IGF2BP2: variants seen among roughly 807,000 people sequenced by gnomAD.
IGF2BP2 encodes the protein insulin-like growth factor 2 mRNA-binding protein 2.
A neutral mutation model predicts 75.8 loss-of-function variants in IGF2BP2; 17 were observed. That is an observed-to-expected ratio of 0.22 (90% confidence interval 0.15 to 0.34). IGF2BP2 has a LOEUF of 0.34. Ranked by LOEUF, IGF2BP2 falls within the 10% of genes least tolerant of loss-of-function variation. IGF2BP2 has a pLI of 1.00. For missense variants in IGF2BP2, 516 were observed against 772.4 expected, an observed-to-expected ratio of 0.67 and a Z score of 3.93; for synonymous variants, 288 against 295.6, an observed-to-expected ratio of 0.97 and a Z score of 0.26.
At chr3:185,714,855 T>C (rs1725356781) in intron 2 of IGF2BP2, among the ~76,000 whole-genome samples, 1 of 152,210 alleles carries the variant, frequency 6.6e-6, no homozygotes, top group Admixed American at 6.5e-5. Flanking sequence ...TTCCTTGCTT[T>C]TTCTCAGTAT....
At chr3:185,741,161 C>T (rs545764191) in intron 2 of IGF2BP2, among the ~76,000 whole-genome samples, 1 of 152,340 alleles carries the variant, frequency 6.6e-6, no homozygotes, top group African/African-American at 2.4e-5. Context: ...GAATGAGCCA[C>T]TGTGCCCGGC....
At chr3:185,665,217 AGAG>A (rs1165939543) in intron 10 of IGF2BP2, among the ~76,000 whole-genome samples, 116 of 135,516 alleles carry the variant, frequency 8.6e-4, no homozygotes, top group South Asian at 5.9e-3. Flanking sequence ...AGGAGAAGGA[AGAG>A]GAGGAGGAGG....
chr3:185,762,590 G>A (rs938841477), intron 2 of IGF2BP2, among the ~76,000 whole-genome samples: 4 of 151,584 alleles, frequency 2.6e-5, no homozygotes, highest in African/African-American at 9.7e-5. Flanking sequence ...GAAATACCAT[G>A]TTTGAGAGAC....
At chr3:185,660,018 T>C (rs1211550454) in intron 10 of IGF2BP2, among the ~76,000 whole-genome samples, 1 of 152,188 alleles carries the variant, frequency 6.6e-6, no homozygotes, top group Non-Finnish European at 1.5e-5. Flanking sequence ...GGTCTTGAAC[T>C]CCTGACCTCA....
chr3:185,660,285 T>A (rs544542349), intron 10 of IGF2BP2, among the ~76,000 whole-genome samples: 11 of 152,126 alleles, frequency 7.2e-5, no homozygotes, highest in Non-Finnish European at 1.0e-4. Context: ...CCAACAGTGG[T>A]CAGACGTGGC....
intron 8 of IGF2BP2, 108 bp from the exon 9 acceptor site, chr3:185,675,539 T>G: frequency 1.5e-6 from 2 of 1,296,674 alleles, no homozygotes; most frequent in South Asian, 1.3e-5. Flanking sequence ...GAAGACTCAA[T>G]TCCCTCCCAA....
Position 185,672,568 on chromosome 3 carries a change from G to T in IGF2BP2, c.1173C>A (p.Pro391=). The part of the protein sequence containing the change: ...LSPPAGPRGA[P]PAAPYHPFTT... Reference sequence around the variant, plus strand: ...TGAAGGGGTGGTAGGGGGCAGCGGGGGGAGCTCCGCGGGGCCCTGCTGGTG... The same window carrying T: ...TGAAGGGGTGGTAGGGGGCAGCGGGTGGAGCTCCGCGGGGCCCTGCTGGTG... The change falls in exon 10 of 16, where the codon CCC becomes CCA. Residue 391 remains proline (P), a synonymous_variant. Transcript: ENST00000382199. The T allele has an allele frequency of 6.2e-7, 1 of 1,613,406 alleles. No homozygotes were observed. Among genetic ancestry groups the T allele is most frequent in the Non-Finnish European group, 8.5e-7 (1 of 1,179,686 alleles).
chr3:185,744,894 A>T (rs983270588), intron 2 of IGF2BP2, among the ~76,000 whole-genome samples: 3 of 152,258 alleles, frequency 2.0e-5, no homozygotes, highest in Admixed American at 1.3e-4. Context: ...CGGCATTAAA[A>T]ATTCAACACT....
chr3:185,757,898 C>A (rs1731853570), intron 2 of IGF2BP2, among the ~76,000 whole-genome samples: 1 of 151,994 alleles, frequency 6.6e-6, no homozygotes, highest in Admixed American at 6.5e-5. Context: ...CACACACATA[C>A]CTCTGACCTG....
intron 10 of IGF2BP2, among the ~76,000 whole-genome samples, chr3:185,659,436 C>T (rs1346129405): frequency 1.3e-5 from 2 of 152,186 alleles, no homozygotes; most frequent in Admixed American, 1.3e-4. Flanking sequence ...TGAAGTGGCG[C>T]GATCTCGGCT....
chr3:185,797,795 C>T (rs778513417), intron 2 of IGF2BP2, among the ~76,000 whole-genome samples: 1 of 149,398 alleles, frequency 6.7e-6, no homozygotes, highest in South Asian at 2.1e-4. Flanking sequence ...GTCCTAGCTA[C>T]TGAGGAGGCT....
intron 10 of IGF2BP2, among the ~76,000 whole-genome samples, chr3:185,667,770 G>C (rs80257939): frequency 6.6e-6 from 1 of 152,112 alleles, no homozygotes; most frequent in African/African-American, 2.4e-5. Flanking sequence ...ATTTTATTGC[G>C]TTTGGCTTTA....
At chr3:185,714,890 T>A (rs1183929320) in intron 2 of IGF2BP2, among the ~76,000 whole-genome samples, 1 of 152,246 alleles carries the variant, frequency 6.6e-6, no homozygotes, top group Non-Finnish European at 1.5e-5. Context: ...ATTGGCTTTC[T>A]TAATTTCATT....
Position 185,643,373 on chromosome 3 carries a change from CG to C in IGF2BP2, c.*2157del, listed in dbSNP as rs971046918. Among the ~76,000 whole-genome samples, 1 of 152,226 alleles carries C rather than the reference CG, an allele frequency of 6.6e-6. No individual in the cohort carries two copies. Among genetic ancestry groups the C allele is most frequent in the East Asian group, 1.9e-4 (1 of 5,204 alleles). On this transcript the variant is annotated 3_prime_UTR_variant, in exon 16 of 16. Transcript: ENST00000382199. ...GGTCTTCTCTAGCTTGACATGCAGT[CG>C]ATCCATCCCTCTAGCTCCGAGGTTC... is the stretch of plus-strand genomic sequence containing the variant.
intron 2 of IGF2BP2, among the ~76,000 whole-genome samples, chr3:185,762,354 C>A (rs1283178892): frequency 1.4e-5 from 2 of 143,358 alleles, no homozygotes; most frequent in African/African-American, 5.4e-5. Flanking sequence ...ATGGTGAAAC[C>A]CAGGCTTTAC....
intron 7 of IGF2BP2, among the ~76,000 whole-genome samples, chr3:185,677,062 T>TAG (rs1174637870): frequency 2.0e-5 from 1 of 50,338 alleles, no homozygotes; most frequent in East Asian, 4.7e-4. Flanking sequence ...TATATATATA[T>TAG]ATATATAGAG....
intron 2 of IGF2BP2, among the ~76,000 whole-genome samples, chr3:185,780,820 G>A (rs1030141192): frequency 2.0e-5 from 3 of 152,076 alleles, no homozygotes; most frequent in African/African-American, 4.8e-5. Context: ...TTTTATAGCC[G>A]AAGAAACCAG....
intron 12 of IGF2BP2, among the ~76,000 whole-genome samples, chr3:185,653,729 CCA>C (rs1714981206): frequency 6.6e-6 from 1 of 152,294 alleles, no homozygotes; most frequent in African/African-American, 2.4e-5. Flanking sequence ...CCCAGGTTGG[CCA>C]CAGATGCAGT....
At chr3:185,713,074 A>ATG (rs201252245) in intron 2 of IGF2BP2, among the ~76,000 whole-genome samples, 9,488 of 144,444 alleles carry the variant, frequency 0.066, 515 homozygotes, top group African/African-American at 0.16. Context: ...ACAGATATGT[A>ATG]TGTGTGTGTG....
Sources: allele counts gnomAD v4.1 joint callset (sites outside exome capture counted in the v4.1 genomes callset), GRCh38; gene constraint gnomAD v4.1.1; transcripts MANE v1.5; gene names NCBI Gene and HGNC (gene_info 2026-07-23, HGNC 2026-07-21).